OPHN1: variants seen among roughly 807,000 people sequenced by gnomAD.
The protein encoded by OPHN1 is oligophrenin 1, also known as oligophrenin-1.
A neutral mutation model predicts 60.7 loss-of-function variants in OPHN1; 11 were observed. The ratio of observed to expected loss-of-function variants is 0.18; its 90% CI spans 0.11 to 0.30. The LOEUF (loss-of-function observed/expected upper bound fraction) is 0.30. OPHN1 is among the 10% of genes least tolerant of loss of function. OPHN1 has a pLI of 1.00. For missense variants in OPHN1, 449 were observed against 611.0 expected (o/e 0.73, Z 2.80); for synonymous variants, 226 against 222.6 (o/e 1.02, Z -0.14).
chrX:68,380,842 ACTT>A (rs1262855606), intron 2 of OPHN1, among the ~76,000 whole-genome samples: 6 of 111,606 alleles, frequency 5.4e-5, no homozygotes, highest in Non-Finnish European at 9.4e-5. Context: ...GTAGAGCTTT[ACTT>A]CCAACTATGT....
intron 2 of OPHN1, among the ~76,000 whole-genome samples, chrX:68,422,032 A>G (rs1313083362): frequency 9.0e-6 from 1 of 111,242 alleles, no homozygotes; most frequent in Admixed American, 9.6e-5. Flanking sequence ...TATTGCCATT[A>G]TTCTATGACA....
At chrX:68,315,750 G>C (rs2078196350) in intron 2 of OPHN1, among the ~76,000 whole-genome samples, 1 of 111,035 alleles carries the variant, frequency 9.0e-6, no homozygotes, top group Non-Finnish European at 1.9e-5. Flanking sequence ...AAAAACAGTT[G>C]CATTTCTATA....
chrX:68,188,441 G>T (rs1240273468), intron 15 of OPHN1, among the ~76,000 whole-genome samples: 1 of 111,905 alleles, frequency 8.9e-6, no homozygotes, highest in Non-Finnish European at 1.9e-5. Flanking sequence ...AATAATCAAT[G>T]TATTTAAAGT....
Position 68,115,215 on chromosome X carries a change from T to C in OPHN1, c.1362-1976A>G, listed in dbSNP as rs771097269. On this transcript the variant is annotated intron_variant, in intron 16 of 24. Transcript: ENST00000355520. ...CATATCCCCTGTCCCTGTTGAAAAA[T>C]GCAAAGATCTGGCTCTATTGGTTCT... Among the ~76,000 whole-genome samples, 13 of 112,719 alleles carry C rather than the reference T, an allele frequency of 1.2e-4. No homozygotes were observed. The South Asian group carries it at 4.4e-3, about 38-fold the overall frequency.
intron 2 of OPHN1, among the ~76,000 whole-genome samples, chrX:68,401,490 A>G (rs1015222506): frequency 1.2e-4 from 14 of 112,326 alleles, no homozygotes; most frequent in African/African-American, 4.5e-4. Flanking sequence ...CCGTAACACA[A>G]TTGTACAGTA....
intron 19 of OPHN1, among the ~76,000 whole-genome samples, chrX:68,084,763 T>C (rs1323979429): frequency 4.5e-5 from 5 of 111,837 alleles, no homozygotes; most frequent in Non-Finnish European, 7.5e-5. Context: ...CCTGAAAATA[T>C]ACTGAAAGGC....
chrX:68,389,828 C>T (rs949007809), intron 2 of OPHN1, among the ~76,000 whole-genome samples: 2 of 110,394 alleles, frequency 1.8e-5, no homozygotes, highest in South Asian at 7.7e-4. Flanking sequence ...ATTTACCAGT[C>T]ATGAGGTTTT....
chrX:68,305,936 C>T (rs1047844748), intron 2 of OPHN1, among the ~76,000 whole-genome samples: 3 of 111,953 alleles, frequency 2.7e-5, no homozygotes, highest in African/African-American at 6.5e-5. Context: ...CCATGCTCAA[C>T]GGGACACCAT....
chrX:68,062,792 T>C (rs1053558982), intron 21 of OPHN1, among the ~76,000 whole-genome samples: 1 of 112,452 alleles, frequency 8.9e-6, no homozygotes, highest in Non-Finnish European at 1.9e-5. Context: ...AATCCTTATT[T>C]TGTCCATTAT....
intron 2 of OPHN1, among the ~76,000 whole-genome samples, chrX:68,317,045 T>C (rs2078202810): frequency 9.1e-6 from 1 of 110,278 alleles, no homozygotes; most frequent in Non-Finnish European, 1.9e-5. Context: ...AAGCCTGTAA[T>C]CCCAGTGCTT....
chrX:68,406,392 G>A (rs887030937), intron 2 of OPHN1, among the ~76,000 whole-genome samples: 17 of 109,050 alleles, frequency 1.6e-4, no homozygotes, highest in South Asian at 4.0e-4. Flanking sequence ...TGGGCAGATC[G>A]CCTGAGGTCA....
intron 18 of OPHN1, among the ~76,000 whole-genome samples, chrX:68,108,366 C>A (rs2077090126): frequency 8.9e-6 from 1 of 112,130 alleles, no homozygotes; most frequent in Non-Finnish European, 1.9e-5. Flanking sequence ...GTATTCACTT[C>A]TTTTTGGGTA....
intron 2 of OPHN1, among the ~76,000 whole-genome samples, chrX:68,386,092 A>G (rs184535919): frequency 3.6e-5 from 4 of 112,334 alleles, no homozygotes. Flanking sequence ...GATTAGAAAC[A>G]ATGAACCCTT....
At chrX:68,400,853 CT>C (rs954333481) in intron 2 of OPHN1, among the ~76,000 whole-genome samples, 1 of 111,287 alleles carries the variant, frequency 9.0e-6, no homozygotes, top group African/African-American at 3.3e-5. Flanking sequence ...TCACCCGCCT[CT>C]GCCTCCTAAA....
intron 2 of OPHN1, among the ~76,000 whole-genome samples, chrX:68,306,196 G>C (rs2078144435): frequency 9.0e-6 from 1 of 111,444 alleles, no homozygotes; most frequent in African/African-American, 3.3e-5. Flanking sequence ...CCAAATATTG[G>C]CTTTTCCTCC....
intron 4 of OPHN1, among the ~76,000 whole-genome samples, chrX:68,280,473 T>A (rs5965533): frequency 0.1 from 11,592 of 111,287 alleles, 1,415 homozygotes; most frequent in African/African-American, 0.35. Context: ...CCTGCCTTCA[T>A]TCCTACTTCT....
At chrX:68,321,737 G>A (rs2078236337) in intron 2 of OPHN1, among the ~76,000 whole-genome samples, 1 of 110,879 alleles carries the variant, frequency 9.0e-6, no homozygotes, top group South Asian at 3.8e-4. Flanking sequence ...AGACTAGCCT[G>A]GCCAACATGG....
At chrX:68,272,753 C>T (rs1282470636) in intron 5 of OPHN1, among the ~76,000 whole-genome samples, 2 of 111,799 alleles carry the variant, frequency 1.8e-5, no homozygotes, top group African/African-American at 3.3e-5. Context: ...CATTAGGCGA[C>T]GCATGACTGC....
intron 2 of OPHN1, among the ~76,000 whole-genome samples, chrX:68,309,351 C>G (rs1041652095): frequency 1.8e-4 from 20 of 111,238 alleles, no homozygotes; most frequent in Non-Finnish European, 3.4e-4. Context: ...ATATCTTCCT[C>G]CTAATCCAAA....
Sources: gnomAD v4.1 joint callset for allele counts (sites outside exome capture counted in the v4.1 genomes callset) on GRCh38, gnomAD v4.1.1 for gene constraint, MANE v1.5 for transcripts, NCBI Gene and HGNC (gene_info 2026-07-23, HGNC 2026-07-21) for gene names.